LRIG2: variants seen among roughly 807,000 people sequenced by gnomAD.
LRIG2 encodes leucine rich repeats and immunoglobulin like domains 2, also known as leucine-rich repeats and immunoglobulin-like domains protein 2.
A neutral mutation model predicts 107.8 loss-of-function variants in LRIG2; 93 were observed. That is an observed-to-expected ratio of 0.86 (90% CI 0.73 to 1.03). LRIG2 has a LOEUF of 1.03. LRIG2 is among the 50% of genes least tolerant of loss of function. The probability of loss-of-function intolerance (pLI) is 0.00; values close to 1 mark genes in which losing one functional copy is unlikely to be tolerated. For missense variants in LRIG2, 1,226 were observed against 1,296.0 expected (o/e 0.95, Z 0.83); for synonymous variants, 471 against 470.6 (o/e 1.00, Z -0.01).
intron 1 of LRIG2, among the ~76,000 whole-genome samples, chr1:113,082,875 C>G (rs933183787): frequency 2.6e-5 from 4 of 152,016 alleles, no homozygotes; most frequent in Non-Finnish European, 5.9e-5. Context: ...AGACTGGTCT[C>G]AAACTCCTGA....
intron 16 of LRIG2, among the ~76,000 whole-genome samples, chr1:113,117,339 A>C (rs1192047440): frequency 6.6e-6 from 1 of 152,238 alleles, no homozygotes; most frequent in Non-Finnish European, 1.5e-5. Context: ...AGATCTTTTC[A>C]GCAAATCTGT....
chr1:113,115,603 A>G (rs987019371), intron 15 of LRIG2, among the ~76,000 whole-genome samples: 20 of 151,090 alleles, frequency 1.3e-4, no homozygotes, highest in African/African-American at 3.9e-4. Flanking sequence ...TCTTGGCTCA[A>G]TGCAACTTCC....
At chr1:113,084,742 T>C (rs141478765) in intron 1 of LRIG2, among the ~76,000 whole-genome samples, 1 of 152,382 alleles carries the variant, frequency 6.6e-6, no homozygotes, top group East Asian at 1.9e-4. Flanking sequence ...TTTTATATGC[T>C]TTATTCTTTA....
In LRIG2 at chr1:113,073,556, C is replaced by T. The variant is rs1197426391; in HGVS notation, c.150C>T (p.Arg50=). Residue 50 remains arginine (R), a synonymous_variant, in exon 1 of 18, where the codon CGC becomes CGT. Transcript: ENST00000361127. Reference sequence around the variant, plus strand: ...TCTGCCCCGCGCCCTGCTCCTGCCGCATTCCTCTCCTGGACTGCAGTCGCA... The same window carrying T: ...TCTGCCCCGCGCCCTGCTCCTGCCGTATTCCTCTCCTGGACTGCAGTCGCA... The part of the protein sequence containing the change: ...AGLCPAPCSC[R]IPLLDCSRRK... The T allele has an allele frequency of 1.2e-6, 2 of 1,614,040 alleles. No individual in the cohort carries two copies. Among genetic ancestry groups the T allele is most frequent in the Non-Finnish European group, 8.5e-7 (1 of 1,180,036 alleles).
chr1:113,107,560 A>AAGT, intron 11 of LRIG2, 34 bp from the exon 12 acceptor site: 1 of 1,593,908 alleles, frequency 6.3e-7, no homozygotes, highest in East Asian at 2.2e-5. Context: ...GAAAAGTAAA[A>AAGT]CAAAGGATGC....
Position 113,100,475 on chromosome 1 carries a change from C to A in LRIG2, c.1300C>A (p.His434Asn). The A allele has an allele frequency of 1.3e-6, 2 of 1,507,204 alleles. No homozygotes were observed. Among genetic ancestry groups the A allele is most frequent in the South Asian group, 2.3e-5 (2 of 86,938 alleles). 93.4% of individuals were successfully genotyped at this position (1,507,204 alleles called of 1,614,324 possible). A position where few individuals can be genotyped will look rare whatever the true frequency, so the allele number is the denominator to read the frequency against. ...SIQENAFSQT[H>N]LKELILNTSS... ...CCAAGAAAATGCTTTTTCTCAGACTCATTTAAAAGAACTGTAAGTAACTTG... is the reference window on the plus strand; with the variant it reads ...CCAAGAAAATGCTTTTTCTCAGACTAATTTAAAAGAACTGTAAGTAACTTG... Residue 434 changes from histidine (H) to asparagine (N), a missense_variant, in exon 11 of 18, where the codon CAT becomes AAT. Transcript: ENST00000361127.
At chr1:113,119,917 C>CA (rs762795559) in intron 17 of LRIG2, among the ~76,000 whole-genome samples, 30 of 152,058 alleles carry the variant, frequency 2.0e-4, no homozygotes, top group Non-Finnish European at 3.7e-4. Context: ...TCAAGCAATT[C>CA]TCATGCCTCA....
At chr1:113,114,914 C>CA in intron 15 of LRIG2, 38 bp downstream of exon 15, 1 of 1,487,780 alleles carries the variant, frequency 6.7e-7, no homozygotes, top group Non-Finnish European at 9.1e-7. Context: ...GCTTGTACTT[C>CA]AGTCAAGAAT....
Position 113,093,512 on chromosome 1 carries a change from A to G in LRIG2, c.463A>G (p.Ile155Val), listed in dbSNP as rs113884964. 1 of 1,610,946 alleles carries G rather than the reference A, an allele frequency of 6.2e-7. No homozygotes were observed. The highest frequency in any genetic ancestry group is 8.5e-7 in the Non-Finnish European group (1 of 1,177,746). ...GGAGAGTTTAGACCTCAGCTCAAATATAATATCAGAAATCAAGACATCTTC... is the reference window on the plus strand; with the variant it reads ...GGAGAGTTTAGACCTCAGCTCAAATGTAATATCAGAAATCAAGACATCTTC... ...ALESLDLSSNIISEIKTSSFP... is the reference protein window; with the variant it reads ...ALESLDLSSNVISEIKTSSFP... Residue 155 changes from isoleucine to valine, a missense_variant, in exon 4 of 18, where the codon ATA (isoleucine) becomes GTA (valine). Transcript: ENST00000361127.
At chr1:113,117,014 T>C (rs1396590182) in intron 16 of LRIG2, among the ~76,000 whole-genome samples, 2 of 152,180 alleles carry the variant, frequency 1.3e-5, no homozygotes, top group African/African-American at 4.8e-5. Context: ...ATGGTAGCAA[T>C]GGTTCTCAGC....
rs200543102 is a variant in LRIG2 at position 113,116,368 on chromosome 1, A to G, written c.2612A>G (p.Asn871Ser). 1.2e-6 allele frequency: 2 copies of G among 1,613,974 alleles called. No homozygotes were observed. The highest frequency in any genetic ancestry group is 2.2e-5 in the East Asian group (1 of 44,870). Residue 871 changes from asparagine to serine, a missense_variant, in exon 16 of 18, where the codon AAC (asparagine) becomes AGC (serine). Physicochemically the swap from Asn to Ser is conservative, Grantham distance 46 (BLOSUM62 1). This residue lies in a region of LRIG2 where 642 missense variants were observed against 712.2 expected (regional missense o/e 0.90). Transcript: ENST00000361127. ...TCTGAGCCACAGGAAGGCTACAGCA[A>G]CTCTGAGGCAGGCAGTCATCAGCAA... is the stretch of plus-strand genomic sequence containing the variant. Reference protein sequence around the residue: ...TLSEPQEGYSNSEAGSHQQLM... With the variant: ...TLSEPQEGYSSSEAGSHQQLM...
chr1:113,113,623 C>T (rs533517692), intron 14 of LRIG2, among the ~76,000 whole-genome samples: 34 of 151,480 alleles, frequency 2.2e-4, no homozygotes, highest in East Asian at 2.1e-3. Context: ...AATGCAGTGG[C>T]GCAATCTCGG....
intron 2 of LRIG2, among the ~76,000 whole-genome samples, chr1:113,091,851 A>G (rs1389826501): frequency 6.6e-6 from 1 of 152,224 alleles, no homozygotes; most frequent in Non-Finnish European, 1.5e-5. Flanking sequence ...TTTTTCCTTT[A>G]ATACTGAGAT....
At chr1:113,115,555 G>T (rs1390790759) in intron 15 of LRIG2, among the ~76,000 whole-genome samples, 2 of 146,980 alleles carry the variant, frequency 1.4e-5, no homozygotes, top group Non-Finnish European at 1.5e-5. Flanking sequence ...TTGAGATAGA[G>T]TCTCGCTCTG....
rs1429485881 is a variant in LRIG2 at position 113,113,540 on chromosome 1, ATT to A, written c.2080+782_2080+783del. ...AAAATAAGAAGTCATTTATTTATTT[ATT>A]TATTTATTTATTTATTTATTTATTT... On this transcript the variant is annotated intron_variant, in intron 14 of 17. Transcript: ENST00000361127. 6.3e-3 allele frequency among the ~76,000 whole-genome samples: 904 copies of A among 144,554 alleles called. 12 individuals are homozygous for A. The highest frequency in any genetic ancestry group is 0.022 in the African/African-American group (854 of 38,994). The allele number at this position is 144,554 out of a possible 152,430, so 94.8% of individuals were successfully genotyped here. A position where few individuals can be genotyped will look rare whatever the true frequency, so the allele number is the denominator to read the frequency against.
chr1:113,099,553 TTG>T (rs1324818797), intron 9 of LRIG2, among the ~76,000 whole-genome samples: 1 of 152,130 alleles, frequency 6.6e-6, no homozygotes, highest in Non-Finnish European at 1.5e-5. Flanking sequence ...TTTTTTGTTT[TTG>T]TGTTTTTTTG....
At chr1:113,101,107 A>G (rs1654289293) in intron 11 of LRIG2, among the ~76,000 whole-genome samples, 1 of 152,106 alleles carries the variant, frequency 6.6e-6, no homozygotes, top group South Asian at 2.1e-4. Context: ...GTCTTACTCT[A>G]TCCCCTAGGC....
chr1:113,112,077 G>C (rs1654794376), intron 13 of LRIG2, among the ~76,000 whole-genome samples: 1 of 131,236 alleles, frequency 7.6e-6, no homozygotes, highest in Non-Finnish European at 1.7e-5. Flanking sequence ...AGAAGACACA[G>C]TCATCAGTGT....
In LRIG2 at chr1:113,073,384, CCACGTCCAGGT is replaced by C. The variant is rs1319770657; in HGVS notation, c.-21_-11del. 6.3e-7 allele frequency: 1 copy of C among 1,595,422 alleles called. No individual in the cohort carries two copies. On this transcript the variant is annotated 5_prime_UTR_variant, in exon 1 of 18. Coordinates refer to ENST00000361127, the MANE Select transcript of LRIG2 (RefSeq NM_014813.3). ...TTTTCTAGCAGGCAGCTCTTCTAGGCCACGTCCAGGTCGAGGGGGAAAATGGCGCCGGCGCC... is the reference window on the plus strand; with the variant it reads ...TTTTCTAGCAGGCAGCTCTTCTAGGCCGAGGGGGAAAATGGCGCCGGCGCC...
Sources: allele counts gnomAD v4.1 joint callset (sites outside exome capture counted in the v4.1 genomes callset), GRCh38; gene constraint gnomAD v4.1.1; regional missense constraint gnomAD v4.1.1; transcripts MANE v1.5; gene names NCBI Gene and HGNC (gene_info 2026-07-23, HGNC 2026-07-21).